The following PPP2R3A variants were observed in gnomAD, a reference collection of about 807,000 sequenced individuals.
The protein encoded by PPP2R3A is serine/threonine-protein phosphatase 2A regulatory subunit B'' subunit alpha.
In PPP2R3A, 80 loss-of-function variants were observed where a neutral mutation model predicts 106.9. The observed-to-expected ratio is 0.75, with a 90% CI of 0.62 to 0.90. PPP2R3A has a LOEUF of 0.90. Among genes scored for constraint, PPP2R3A ranks in the 40% least tolerant of loss-of-function variants. The pLI is 0.00. For synonymous variants in PPP2R3A, 483 were observed against 468.3 expected (o/e 1.03, Z -0.41); for missense variants, 1,386 against 1,350.4 (o/e 1.03, Z -0.41).
chr3:136,079,355 T>C (rs768023853), intron 7 of PPP2R3A: 4 of 227,282 alleles, frequency 1.8e-5, no homozygotes, highest in Admixed American at 4.9e-5. Flanking sequence ...TCCCCCACTT[T>C]CCTGAAGCAC....
chr3:136,112,533 T>C (rs758886757), intron 13 of PPP2R3A, among the ~76,000 whole-genome samples: 1 of 152,100 alleles, frequency 6.6e-6, no homozygotes, highest in Non-Finnish European at 1.5e-5. Flanking sequence ...ACAATCCCAT[T>C]TGCAATAGCC....
intron 13 of PPP2R3A, among the ~76,000 whole-genome samples, chr3:136,120,149 T>C (rs1473587629): frequency 2.0e-5 from 3 of 149,820 alleles, no homozygotes; most frequent in Non-Finnish European, 4.5e-5. Flanking sequence ...GGGTGGGGGC[T>C]AGGGGAGTGA....
intron 1 of PPP2R3A, among the ~76,000 whole-genome samples, chr3:135,981,370 A>AT (rs1937537252): frequency 6.6e-6 from 1 of 151,550 alleles, no homozygotes; most frequent in African/African-American, 2.4e-5. Flanking sequence ...AAAATGCTAT[A>AT]TTTTTTCATC....
chr3:136,013,081 TA>T (rs1934138880), intron 2 of PPP2R3A, among the ~76,000 whole-genome samples: 1 of 152,128 alleles, frequency 6.6e-6, no homozygotes, highest in Non-Finnish European at 1.5e-5. Context: ...TCACCTACAA[TA>T]GTAGTCTCCA....
chr3:136,072,182 A>G (rs553932992), intron 6 of PPP2R3A, among the ~76,000 whole-genome samples: 46 of 152,166 alleles, frequency 3.0e-4, no homozygotes, highest in African/African-American at 1.1e-3. Context: ...CTCCGTCTCT[A>G]TAATATAAGC....
At chr3:136,094,295 T>C (rs1937167226) in intron 10 of PPP2R3A, among the ~76,000 whole-genome samples, 1 of 152,204 alleles carries the variant, frequency 6.6e-6, no homozygotes, top group South Asian at 2.1e-4. Context: ...ATATTAATTG[T>C]AGTGATGGTT....
At chr3:136,055,719 A>G in intron 5 of PPP2R3A, 4 of 729,112 alleles carry the variant, frequency 5.5e-6, no homozygotes, top group Non-Finnish European at 9.5e-6. Context: ...AACTTAGAGA[A>G]ATACCACTAC....
intron 1 of PPP2R3A, among the ~76,000 whole-genome samples, chr3:135,972,656 G>A (rs1937283337): frequency 6.6e-6 from 1 of 152,114 alleles, no homozygotes; most frequent in Admixed American, 6.5e-5. Context: ...CATCCTAGTG[G>A]GTGTGAAGTG....
At chr3:136,059,302 T>C (rs1363369978) in intron 5 of PPP2R3A, among the ~76,000 whole-genome samples, 1 of 149,766 alleles carries the variant, frequency 6.7e-6, no homozygotes, top group Non-Finnish European at 1.5e-5. Flanking sequence ...AAAAAAAACA[T>C]AAAAAAGTGA....
chr3:136,142,492 C>G (rs1031430995), intron 13 of PPP2R3A, among the ~76,000 whole-genome samples: 1 of 152,162 alleles, frequency 6.6e-6, no homozygotes, highest in Non-Finnish European at 1.5e-5. Flanking sequence ...AAATGACATA[C>G]ACAAAAATGT....
chr3:136,032,845 T>G (rs1175194783), intron 3 of PPP2R3A, among the ~76,000 whole-genome samples: 1 of 152,222 alleles, frequency 6.6e-6, no homozygotes, highest in Non-Finnish European at 1.5e-5. Context: ...ACTTCCTCTT[T>G]ATTGATTTGG....
intron 3 of PPP2R3A, among the ~76,000 whole-genome samples, chr3:136,034,590 T>A (rs774713985): frequency 6.6e-6 from 1 of 152,246 alleles, no homozygotes; most frequent in African/African-American, 2.4e-5. Flanking sequence ...GAGAGAGTGC[T>A]TGATATAATT....
At chr3:136,047,894 G>T (rs1935529025) in intron 4 of PPP2R3A, among the ~76,000 whole-genome samples, 1 of 150,244 alleles carries the variant, frequency 6.7e-6, no homozygotes, top group Non-Finnish European at 1.5e-5. Context: ...AACAGAGCGA[G>T]ACTCCGTCTC....
intron 5 of PPP2R3A, among the ~76,000 whole-genome samples, chr3:136,065,189 A>C (rs1353504326): frequency 6.6e-6 from 1 of 152,226 alleles, no homozygotes; most frequent in Non-Finnish European, 1.5e-5. Context: ...GTAAAGTAGG[A>C]CAGTACAAAT....
chr3:136,102,572 C>A (rs187701539), intron 11 of PPP2R3A, among the ~76,000 whole-genome samples: 1 of 152,140 alleles, frequency 6.6e-6, no homozygotes, highest in African/African-American at 2.4e-5. Context: ...GTCTCGAACT[C>A]CTGACCTCAG....
chr3:136,114,813 C>T (rs1460079586), intron 13 of PPP2R3A, among the ~76,000 whole-genome samples: 2 of 152,282 alleles, frequency 1.3e-5, no homozygotes, highest in African/African-American at 2.4e-5. Context: ...TCCCATTTCC[C>T]TGGGATAGAG....
rs142277417 is a variant in PPP2R3A at position 136,144,423 on chromosome 3, G to A, written c.3330-620G>A. 7.5e-3 allele frequency among the ~76,000 whole-genome samples: 1,141 copies of A among 152,160 alleles called. 18 individuals carry two copies. Among genetic ancestry groups the A allele is most frequent in the African/African-American group, 0.026 (1,077 of 41,478 alleles). On this transcript the variant is annotated intron_variant, in intron 13 of 13. Transcript: ENST00000264977. Reference sequence around the variant, plus strand: ...AGCCTGTAATCCCAGCACTTTGAGAGGCCAAAGTGGGCAGATCACCTGAGG... The same window carrying A: ...AGCCTGTAATCCCAGCACTTTGAGAAGCCAAAGTGGGCAGATCACCTGAGG...
chr3:135,999,867 G>A (rs966468374), intron 1 of PPP2R3A, among the ~76,000 whole-genome samples: 3 of 151,962 alleles, frequency 2.0e-5, no homozygotes, highest in South Asian at 2.1e-4. Context: ...TCTGCCTCCC[G>A]GGTTCAAGAC....
At chr3:135,991,326 A>G (rs1477657851) in intron 1 of PPP2R3A, among the ~76,000 whole-genome samples, 2 of 151,734 alleles carry the variant, frequency 1.3e-5, no homozygotes, top group African/African-American at 4.9e-5. Context: ...ATGTTACCTG[A>G]TTTTTATATG....
Sources: allele counts gnomAD v4.1 joint callset (sites outside exome capture counted in the v4.1 genomes callset), GRCh38; gene constraint gnomAD v4.1.1; transcripts MANE v1.5; gene names NCBI Gene and HGNC (gene_info 2026-07-23, HGNC 2026-07-21).